NUDT10: variants seen among roughly 807,000 people sequenced by gnomAD.
NUDT10 encodes nudix hydrolase 10.
A neutral mutation model predicts 10.5 loss-of-function variants in NUDT10; 2 were observed. The ratio of observed to expected loss-of-function variants is 0.19; its 90% CI spans 0.08 to 0.60. NUDT10 has a LOEUF of 0.60. Among genes scored for constraint, NUDT10 ranks in the 20% least tolerant of loss-of-function variants. The pLI is 0.89. For synonymous variants in NUDT10, 53 were observed against 71.8 expected (o/e 0.74, Z 1.32); for missense variants, 75 against 149.5 (o/e 0.50, Z 2.60).
intron 1 of NUDT10, among the ~76,000 whole-genome samples, chrX:51,335,742 GTTGACTGGGAAAAGGGAGATTAGAGC>G (rs1922821825): frequency 8.9e-6 from 1 of 112,093 alleles, no homozygotes. Context: ...CTCCATAGTT[GTTGACTGGGAAAAGGGAGATTAGAGC>G]TTACAGCACT....
chrX:51,332,685 TCCACTCCGGCGGGC>T (rs1922696969), upstream of NUDT10: 4 of 359,350 alleles, frequency 1.1e-5, no homozygotes, highest in Admixed American at 2.1e-4. Flanking sequence ...CAGCGCCTCC[TCCACTCCGGCGGGC>T]CCGGGTTCGG....
chrX:51,337,173 A>G lies in NUDT10; in HGVS notation c.*934A>G, dbSNP rs1405935980. The stretch of plus-strand genomic sequence containing the variant: ...GACATATTAACCAATTGTTAATTGG[A>G]TCTTATTTGAATTGTGATTTGACCG... On this transcript the variant is annotated 3_prime_UTR_variant, in exon 2 of 2. Transcript: ENST00000356450. The G allele has an allele frequency of 8.9e-6, 1 of 112,151 alleles. No individual in the cohort carries two copies. The highest frequency in any genetic ancestry group is 3.2e-5 in the African/African-American group (1 of 30,889). 9.2% of individuals were successfully genotyped at this position (112,151 alleles called of 1,213,427 possible).
At chrX:51,334,894 G>A (rs782041495) in intron 1 of NUDT10, among the ~76,000 whole-genome samples, 3 of 110,597 alleles carry the variant, frequency 2.7e-5, no homozygotes, top group Non-Finnish European at 5.7e-5. Context: ...ATGGAGTCTT[G>A]TTCTATGGGT....
Position 51,336,774 on chromosome X carries a change from T to TCCAGATGG in NUDT10, c.*537_*544dup, listed in dbSNP as rs1262980642. 8.9e-6 allele frequency: 1 copy of TCCAGATGG among 111,976 alleles called. No homozygotes were observed. Among genetic ancestry groups the TCCAGATGG allele is most frequent in the Non-Finnish European group, 1.9e-5 (1 of 53,285 alleles). The allele number at this position is 111,976 out of a possible 1,213,427, so 9.2% of individuals were successfully genotyped here. On this transcript the variant is annotated 3_prime_UTR_variant, in exon 2 of 2. Coordinates refer to ENST00000356450, the MANE Select transcript of NUDT10 (RefSeq NM_001304963.2). Reference sequence around the variant, plus strand: ...GTCTGTGTCATCCCAGATGTGTGCCTCCAGATGGCAGTATACTACACTATC... The same window carrying TCCAGATGG: ...GTCTGTGTCATCCCAGATGTGTGCCTCCAGATGGCCAGATGGCAGTATACTACACTATC...
At chrX:51,333,987 C>T (rs1388390744) in intron 1 of NUDT10, among the ~76,000 whole-genome samples, 2 of 110,442 alleles carry the variant, frequency 1.8e-5, no homozygotes, top group African/African-American at 6.6e-5. Flanking sequence ...CAGCGTTCGC[C>T]CTTGTTGTCA....
intron 1 of NUDT10, among the ~76,000 whole-genome samples, chrX:51,335,305 CAAAA>C (rs35660767): frequency 2.3e-5 from 1 of 43,297 alleles, no homozygotes; most frequent in African/African-American, 9.6e-5. Flanking sequence ...GCGACCGTCT[CAAAA>C]AAAAAAAAAA....
intron 1 of NUDT10, among the ~76,000 whole-genome samples, chrX:51,335,130 C>T (rs1557312628): frequency 9.1e-6 from 1 of 109,425 alleles, no homozygotes; most frequent in African/African-American, 3.3e-5. Flanking sequence ...TCAGCCTGGC[C>T]AGCATGGTGA....
chrX:51,335,735 CAT>C (rs1922821608), intron 1 of NUDT10, among the ~76,000 whole-genome samples: 1 of 112,090 alleles, frequency 8.9e-6, no homozygotes. Context: ...GTCCTCCCTC[CAT>C]AGTTGTTGAC....
chrX:51,332,526 C>G (rs1470044234), upstream of NUDT10, among the ~76,000 whole-genome samples: 1 of 113,291 alleles, frequency 8.8e-6, no homozygotes, highest in Non-Finnish European at 1.9e-5. Flanking sequence ...GAGACCCCCG[C>G]CCCTGGCCCC....
intron 1 of NUDT10, among the ~76,000 whole-genome samples, chrX:51,335,730 C>A (rs782148258): frequency 5.9e-4 from 66 of 112,152 alleles, no homozygotes; most frequent in African/African-American, 2.0e-3. Flanking sequence ...AGCATGTCCT[C>A]CCTCCATAGT....
rs782274426 is a variant in NUDT10, at chrX:51,333,366, C to T, written c.401C>T (p.Pro134Leu). ...DAIKVLQCHK[P>L]VHAEYLEKLK... The stretch of plus-strand genomic sequence containing the variant: ...ATCAAGGTTCTCCAGTGCCACAAGC[C>T]CGTGCACGCCGAATATCTGGAGAAA... Residue 134 changes from proline (P) to leucine (L), a missense_variant, in exon 1 of 2, where the codon CCC becomes CTC. Coordinates refer to ENST00000356450, the MANE Select transcript of NUDT10 (RefSeq NM_001304963.2). The T allele has an allele frequency of 2.5e-6, 3 of 1,208,964 alleles. No individual in the cohort carries two copies. The highest frequency in any genetic ancestry group is 3.4e-6 in the Non-Finnish European group (3 of 893,490).
intron 1 of NUDT10, among the ~76,000 whole-genome samples, chrX:51,335,082 G>A (rs1922801912): frequency 9.0e-6 from 1 of 110,617 alleles, no homozygotes; most frequent in African/African-American, 3.3e-5. Flanking sequence ...CACTTTGGAA[G>A]GCCGAGGCGG....
rs1557312827 is a variant in NUDT10, at chrX:51,337,177, T to G, written c.*938T>G. On this transcript the variant is annotated 3_prime_UTR_variant, in exon 2 of 2. Transcript: ENST00000356450. The stretch of plus-strand genomic sequence containing the variant: ...TATTAACCAATTGTTAATTGGATCT[T>G]ATTTGAATTGTGATTTGACCGAACT... The G allele has an allele frequency of 1.8e-5, 2 of 112,212 alleles. No individual in the cohort carries two copies. Among genetic ancestry groups the G allele is most frequent in the Non-Finnish European group, 3.8e-5 (2 of 53,292 alleles). 9.2% of individuals were successfully genotyped at this position (112,212 alleles called of 1,213,427 possible). A position where few individuals can be genotyped will look rare whatever the true frequency, so the allele number is the denominator to read the frequency against.
upstream of NUDT10, among the ~76,000 whole-genome samples, chrX:51,332,529 C>G (rs781904881): frequency 1.1e-4 from 13 of 113,421 alleles, no homozygotes; most frequent in Admixed American, 1.0e-3. Flanking sequence ...ACCCCCGCCC[C>G]TGGCCCCTCG....
chrX:51,333,749 C>CGGGGGGGG (rs1252405750), intron 1 of NUDT10, among the ~76,000 whole-genome samples: 3 of 12,484 alleles, frequency 2.4e-4, no homozygotes, highest in Admixed American at 1.9e-3. Context: ...TGCTTTTGGG[C>CGGGGGGGG]GGGGGGGGGG....
rs2043751377 is a variant in NUDT10, at chrX:51,337,096, T to G, written c.*857T>G. ...TGACCTAGTTTCTTCTGTAAATAAC[T>G]TGCAAGGATGAAAGATGGAGGATGA... On this transcript the variant is annotated 3_prime_UTR_variant, in exon 2 of 2. Coordinates refer to ENST00000356450, the MANE Select transcript of NUDT10 (RefSeq NM_001304963.2). 8.9e-6 allele frequency: 1 copy of G among 112,118 alleles called. No homozygotes were observed. The highest frequency in any genetic ancestry group is 3.7e-4 in the South Asian group (1 of 2,686). The allele number at this position is 112,118 out of a possible 1,213,427, so 9.2% of individuals were successfully genotyped here. A position where few individuals can be genotyped will look rare whatever the true frequency, so the allele number is the denominator to read the frequency against.
rs1201748606 is a variant in NUDT10, at chrX:51,333,215, G to T, written c.250G>T (p.Glu84Ter). Reference sequence around the variant, plus strand: ...GTTAGGCCGGCTCCTGGGCGTCTTCGAACAGAACCAGGACCCCAAGCACAG... The same window carrying T: ...GTTAGGCCGGCTCCTGGGCGTCTTCTAACAGAACCAGGACCCCAAGCACAG... ...GKLGRLLGVF[E>*]QNQDPKHRTY... is the part of the protein sequence containing the mutation. The change falls in exon 1 of 2, where the codon GAA becomes TAA. Residue 84 changes from glutamate to a stop codon, truncating the protein, a stop_gained. Transcript: ENST00000356450. LOFTEE classifies it high-confidence loss of function. 8.3e-7 allele frequency: 1 copy of T among 1,208,972 alleles called. No individual in the cohort carries two copies. The highest frequency in any genetic ancestry group is 1.1e-6 in the Non-Finnish European group (1 of 894,929).
intron 1 of NUDT10, among the ~76,000 whole-genome samples, chrX:51,333,971 C>T (rs1230681862): frequency 1.8e-5 from 2 of 110,732 alleles, no homozygotes; most frequent in Non-Finnish European, 3.8e-5. Context: ...GTTGTTTTCT[C>T]CTTCACAGCG....
At chrX:51,334,578 C>G (rs1922786096) in intron 1 of NUDT10, among the ~76,000 whole-genome samples, 1 of 111,895 alleles carries the variant, frequency 8.9e-6, no homozygotes, top group African/African-American at 3.3e-5. Context: ...TGAACAATCT[C>G]TCAATGATAG....
Sources: gnomAD v4.1 joint callset for allele counts (sites outside exome capture counted in the v4.1 genomes callset) on GRCh38, gnomAD v4.1.1 for gene constraint, MANE v1.5 for transcripts, NCBI Gene and HGNC (gene_info 2026-07-23, HGNC 2026-07-21) for gene names.